Variants in SPHKAP observed in about 807,000 individuals in gnomAD.
The protein encoded by SPHKAP is A-kinase anchor protein SPHKAP.
In SPHKAP, 67 loss-of-function variants were observed where a neutral mutation model predicts 137.5. The ratio of observed to expected loss-of-function variants is 0.49; its 90% CI spans 0.40 to 0.60. The LOEUF (loss-of-function observed/expected upper bound fraction) is 0.60. SPHKAP is among the 20% of genes least tolerant of loss of function. SPHKAP has a pLI of 0.00. For missense variants in SPHKAP, 2,097 were observed against 2,069.3 expected (o/e 1.01, Z -0.26); for synonymous variants, 813 against 785.3 (o/e 1.04, Z -0.59).
At chr2:228,063,158 A>ATCTGTCTG (rs1204770006) in intron 3 of SPHKAP, among the ~76,000 whole-genome samples, 31 of 140,488 alleles carry the variant, frequency 2.2e-4, no homozygotes, top group African/African-American at 8.6e-4. Flanking sequence ...CTATCTATCT[A>ATCTGTCTG]TCTATCTATC....
chr2:228,112,851 A>G (rs1159812160), intron 2 of SPHKAP, among the ~76,000 whole-genome samples: 2 of 152,204 alleles, frequency 1.3e-5, no homozygotes, highest in African/African-American at 2.4e-5. Flanking sequence ...GCTCTGTCCT[A>G]TCCTAGAAGT....
intron 3 of SPHKAP, among the ~76,000 whole-genome samples, chr2:228,034,890 G>A (rs112072433): frequency 0.38 from 57,606 of 151,146 alleles, 11,448 homozygotes; most frequent in South Asian, 0.5. Context: ...TCAAAATAAT[G>A]AGAGCTATCT....
At chr2:227,998,103 T>C (rs1001648827) in intron 7 of SPHKAP, among the ~76,000 whole-genome samples, 6 of 152,174 alleles carry the variant, frequency 3.9e-5, no homozygotes, top group African/African-American at 1.4e-4. Flanking sequence ...GTCTCCCAGA[T>C]ATAAGCAACT....
At position 228,018,679 on chromosome 2, in the gene SPHKAP, A is replaced by C. The variant is rs1342914691; in HGVS notation, c.2175T>G (p.Ser725Arg). 1.2e-6 allele frequency: 2 copies of C among 1,613,972 alleles called. No homozygotes were observed. Among genetic ancestry groups the C allele is most frequent in the Non-Finnish European group, 1.7e-6 (2 of 1,180,034 alleles). ...GACATTCACCAAGCCGTACAATATG[A>C]CTCATCTTCTTGAACGTGAAGCATA... is the stretch of plus-strand genomic sequence containing the variant. ...DVICFTFKKM[S>R]HIVRLGECPA... Residue 725 changes from serine to arginine, a missense_variant, in exon 7 of 12, where the codon AGT (serine) becomes AGG (arginine). Ser to Arg is a moderately radical substitution (Grantham distance 110, BLOSUM62 -1). Transcript: ENST00000392056.
intron 3 of SPHKAP, among the ~76,000 whole-genome samples, chr2:228,107,640 T>A (rs933052234): frequency 1.3e-5 from 2 of 152,124 alleles, no homozygotes; most frequent in African/African-American, 4.8e-5. Context: ...ATCACAACTT[T>A]GACCAAAGCG....
chr2:227,987,510 T>C (rs1327488190), intron 11 of SPHKAP, among the ~76,000 whole-genome samples: 1 of 152,218 alleles, frequency 6.6e-6, no homozygotes, highest in African/African-American at 2.4e-5. Flanking sequence ...TAAGACCTGA[T>C]GAATGTTCTG....
chr2:227,993,568 A>G lies in SPHKAP; in HGVS notation c.4687T>C (p.Tyr1563His). The G allele has an allele frequency of 6.2e-7, 1 of 1,604,828 alleles. No individual in the cohort carries two copies. Among genetic ancestry groups the G allele is most frequent in the Non-Finnish European group, 8.5e-7 (1 of 1,175,750 alleles). Residue 1563 changes from tyrosine to histidine, a missense_variant, in exon 9 of 12, where the codon TAT becomes CAT. Tyr to His is a moderately conservative substitution (Grantham distance 83). Coordinates refer to ENST00000392056, the MANE Select transcript of SPHKAP (RefSeq NM_001142644.2). ...SSLGIMDLDI[Y>H]QESMPSSPMI... is the part of the protein sequence containing the mutation. The stretch of plus-strand genomic sequence containing the variant: ...GGAGAAGATGGCATGCTTTCCTGAT[A>G]AATGTCCAGATCCATAATGCCAAGA...
chr2:228,154,238 T>G (rs966819140), intron 1 of SPHKAP, among the ~76,000 whole-genome samples: 4 of 151,680 alleles, frequency 2.6e-5, no homozygotes, highest in Non-Finnish European at 5.9e-5. Context: ...GACATTGCAC[T>G]TACAAGGGGA....
intron 3 of SPHKAP, among the ~76,000 whole-genome samples, chr2:228,031,767 C>G (rs1041098009): frequency 2.0e-5 from 3 of 152,226 alleles, no homozygotes; most frequent in Non-Finnish European, 4.4e-5. Flanking sequence ...GATACCAAGA[C>G]AAACATGGTC....
chr2:228,159,780 C>T (rs1700221635), intron 1 of SPHKAP, among the ~76,000 whole-genome samples: 1 of 152,124 alleles, frequency 6.6e-6, no homozygotes, highest in South Asian at 2.1e-4. Context: ...CCCTTCCCTT[C>T]GTCTCTGCTC....
chr2:228,046,773 T>G (rs1263979272), intron 3 of SPHKAP, among the ~76,000 whole-genome samples: 2 of 152,176 alleles, frequency 1.3e-5, no homozygotes, highest in Non-Finnish European at 2.9e-5. Flanking sequence ...CAGGAGGTAA[T>G]TGAAGGATAT....
At chr2:228,025,052 A>C (rs975405999) in intron 5 of SPHKAP, among the ~76,000 whole-genome samples, 12 of 152,226 alleles carry the variant, frequency 7.9e-5, no homozygotes, top group Non-Finnish European at 1.6e-4. Flanking sequence ...TAGAATTTTC[A>C]TACTGCTCCT....
chr2:228,052,499 A>G (rs1028083039), intron 3 of SPHKAP, among the ~76,000 whole-genome samples: 13 of 152,206 alleles, frequency 8.5e-5, no homozygotes, highest in African/African-American at 3.1e-4. Flanking sequence ...ACACTGTTCA[A>G]TAGCAGTGCT....
intron 1 of SPHKAP, chr2:228,173,024 T>C: frequency 3.0e-6 from 3 of 985,304 alleles, no homozygotes; most frequent in Non-Finnish European, 3.6e-6. Context: ...GCAATAAACA[T>C]GTGCCAAAGA....
At chr2:227,994,636 G>A (rs1377932772) in intron 8 of SPHKAP, among the ~76,000 whole-genome samples, 1 of 152,164 alleles carries the variant, frequency 6.6e-6, no homozygotes, top group East Asian at 1.9e-4. Flanking sequence ...GCATATTCAT[G>A]TATTGAAACC....
intron 8 of SPHKAP, among the ~76,000 whole-genome samples, chr2:227,995,300 G>A (rs1207097344): frequency 2.0e-5 from 3 of 152,104 alleles, no homozygotes; most frequent in East Asian, 1.9e-4. Flanking sequence ...TCTTAATCAC[G>A]GCCAAAGTAA....
chr2:228,171,092 T>G (rs1047223443), intron 1 of SPHKAP, among the ~76,000 whole-genome samples: 1 of 152,114 alleles, frequency 6.6e-6, no homozygotes, highest in Non-Finnish European at 1.5e-5. Flanking sequence ...TTATTTTTTC[T>G]TATGGAAAAG....
chr2:228,036,886 G>T (rs568798073), intron 3 of SPHKAP, among the ~76,000 whole-genome samples: 2 of 152,070 alleles, frequency 1.3e-5, no homozygotes, highest in African/African-American at 4.8e-5. Context: ...CCTGTTGTGG[G>T]GTGGGAGGAG....
At chr2:228,180,639 C>T (rs1206611499) in intron 1 of SPHKAP, among the ~76,000 whole-genome samples, 7 of 152,196 alleles carry the variant, frequency 4.6e-5, no homozygotes, top group Admixed American at 4.6e-4. Flanking sequence ...CACCCTCTCC[C>T]TGGGAGCAAC....
Sources: gnomAD v4.1 joint callset for allele counts (sites outside exome capture counted in the v4.1 genomes callset) on GRCh38, gnomAD v4.1.1 for gene constraint, MANE v1.5 for transcripts, NCBI Gene and HGNC (gene_info 2026-07-23, HGNC 2026-07-21) for gene names.